NCOR1: variants seen among roughly 807,000 people sequenced by gnomAD.
NCOR1 encodes the protein protein phosphatase 1, regulatory subunit 109.
A neutral mutation model predicts 288.1 loss-of-function variants in NCOR1; 63 were observed. The ratio of observed to expected loss-of-function variants is 0.22; its 90% CI spans 0.18 to 0.27. The LOEUF (loss-of-function observed/expected upper bound fraction) is 0.27. Among genes scored for constraint, NCOR1 ranks in the 10% least tolerant of loss-of-function variants. The pLI is 1.00. For synonymous variants in NCOR1, 1,007 were observed against 1,065.9 expected (o/e 0.94, Z 1.08); for missense variants, 2,397 against 3,019.2 (o/e 0.79, Z 4.83).
intron 1 of NCOR1, among the ~76,000 whole-genome samples, chr17:16,197,530 G>T (rs955233386): frequency 3.9e-5 from 6 of 152,126 alleles, no homozygotes; most frequent in Non-Finnish European, 5.9e-5. Context: ...CTTAAGGATT[G>T]TAAGGTTGAG....
At position 16,101,769 on chromosome 17, in the gene NCOR1, G is replaced by C. The variant is rs370113924; in HGVS notation, c.2183-12C>G. ...CTTGACAGCTTCAACTGGTGAAGGA[G>C]AAGGAGCACTTTCTGTATCAGAACT... On this transcript the variant is annotated splice_polypyrimidine_tract_variant and intron_variant, in intron 19 of 45. Coordinates refer to ENST00000268712, the MANE Select transcript of NCOR1 (RefSeq NM_006311.4). 9.3e-6 allele frequency: 15 copies of C among 1,613,896 alleles called. No individual in the cohort carries two copies. Among genetic ancestry groups the C allele is most frequent in the Admixed American group, 1.7e-5 (1 of 59,994 alleles).
intron 4 of NCOR1, among the ~76,000 whole-genome samples, chr17:16,170,046 G>T (rs1003198572): frequency 2.0e-5 from 3 of 150,512 alleles, no homozygotes; most frequent in Non-Finnish European, 4.4e-5. Context: ...ACAATATAAT[G>T]GACACTCATT....
intron 1 of NCOR1, among the ~76,000 whole-genome samples, chr17:16,204,199 A>G (rs1467407702): frequency 6.6e-6 from 1 of 152,236 alleles, no homozygotes; most frequent in Non-Finnish European, 1.5e-5. Context: ...CATTTAGTAA[A>G]TGACAAAAGC....
In NCOR1 at chr17:16,086,415, A is replaced by G. The variant is rs1339026901; in HGVS notation, c.3044T>C (p.Ile1015Thr). The G allele has an allele frequency of 6.2e-7, 1 of 1,614,104 alleles. No individual in the cohort carries two copies. Among genetic ancestry groups the G allele is most frequent in the Non-Finnish European group, 8.5e-7 (1 of 1,179,970 alleles). Residue 1015 changes from isoleucine (I) to threonine (T), a missense_variant, in exon 23 of 46, where the codon ATA becomes ACA. This residue lies in a region of NCOR1 where 1,872 missense variants were observed against 2,187.8 expected (regional missense o/e 0.86). Transcript: ENST00000268712. ...EVLQPAPHQV[I>T]TNLPEGVRLP... is the part of the protein sequence containing the mutation. ...CCGAACGCCTTCAGGGAGATTAGTTATCACTTGATGTGGAGCAGGCTGAAG... is the reference window on the plus strand; with the variant it reads ...CCGAACGCCTTCAGGGAGATTAGTTGTCACTTGATGTGGAGCAGGCTGAAG...
At chr17:16,154,585 A>T in intron 6 of NCOR1, among the ~76,000 whole-genome samples, 1 of 152,210 alleles carries the variant, frequency 6.6e-6, no homozygotes, top group South Asian at 2.1e-4. Flanking sequence ...GATATTGCTA[A>T]CAAGGGAACA....
At chr17:16,198,074 T>C (rs1304669013) in intron 1 of NCOR1, 7 of 151,800 alleles carry the variant, frequency 4.6e-5, no homozygotes, top group Non-Finnish European at 1.0e-4. Context: ...TACATCTTGG[T>C]TGGCCAGGCG....
chr17:16,117,755 G>C (rs879935393), intron 18 of NCOR1, 133 bp downstream of exon 18: 6 of 926,772 alleles, frequency 6.5e-6, no homozygotes, highest in Non-Finnish European at 9.0e-6. Context: ...CCGGGAGGAA[G>C]AGTTTGCAGT....
At chr17:16,136,785 C>T (rs60918926) in intron 14 of NCOR1, among the ~76,000 whole-genome samples, 11,957 of 137,002 alleles carry the variant, frequency 0.087, 934 homozygotes, top group African/African-American at 0.23. Context: ...CCAGCCTGGG[C>T]GACAGAGCGA....
intron 18 of NCOR1, among the ~76,000 whole-genome samples, chr17:16,116,754 A>C (rs1463720346): frequency 6.6e-6 from 1 of 152,224 alleles, no homozygotes; most frequent in African/African-American, 2.4e-5. Context: ...CATGACACGA[A>C]GTATAAAAAG....
intron 42 of NCOR1, 38 bp from the exon 43 acceptor site, chr17:16,040,532 A>T: frequency 1.3e-6 from 2 of 1,546,346 alleles, no homozygotes; most frequent in Non-Finnish European, 1.8e-6. Flanking sequence ...TTAAGATGTG[A>T]TAATCATATA....
intron 9 of NCOR1, among the ~76,000 whole-genome samples, chr17:16,148,366 C>T (rs2078311048): frequency 1.3e-5 from 2 of 152,094 alleles, no homozygotes; most frequent in Admixed American, 1.3e-4. Flanking sequence ...CTCAGTCATC[C>T]GTAGTCCATG....
intron 15 of NCOR1, among the ~76,000 whole-genome samples, chr17:16,124,605 C>T (rs1350469023): frequency 6.6e-6 from 1 of 152,186 alleles, no homozygotes; most frequent in Non-Finnish European, 1.5e-5. Context: ...CATGCCCCCA[C>T]TCCTACCACA....
chr17:16,151,030 AAAAAG>A (rs995029748), intron 8 of NCOR1, among the ~76,000 whole-genome samples: 171 of 151,354 alleles, frequency 1.1e-3, no homozygotes, highest in African/African-American at 4.0e-3. Flanking sequence ...AGAAATTTTT[AAAAAG>A]AAAAAAATAA....
In NCOR1 at chr17:16,165,114, C is replaced by T. The variant is rs1467192279; in HGVS notation, c.483G>A (p.Ser161=). ...GKHEAPSSPI[S]GQPCGDDQNA... is the part of the protein sequence containing the mutation. ...TTTGATCATCTCCACATGGTTGCCC[C>T]GAAATTGGAGAGGATGGAGCTTCAT... is the stretch of plus-strand genomic sequence containing the variant. Residue 161 remains serine, a synonymous_variant, in exon 5 of 46, where the codon TCG becomes TCA. Coordinates refer to ENST00000268712, the MANE Select transcript of NCOR1 (RefSeq NM_006311.4). 1.1e-5 allele frequency: 18 copies of T among 1,608,916 alleles called. No homozygotes were observed. The highest frequency in any genetic ancestry group is 2.2e-5 in the East Asian group (1 of 44,750).
At chr17:16,044,646 G>GGA in intron 42 of NCOR1, 2 of 644,224 alleles carry the variant, frequency 3.1e-6, no homozygotes, top group Non-Finnish European at 6.0e-6. Context: ...GAGCTCGCCT[G>GGA]CATCTACTCA....
intron 16 of NCOR1, 150 bp downstream of exon 16, chr17:16,120,902 C>G (rs929980319): frequency 1.5e-5 from 10 of 671,778 alleles, no homozygotes; most frequent in Middle Eastern, 4.2e-4. Flanking sequence ...TTTCAAAAAA[C>G]TTTGACATTA....
chr17:16,139,264 TGTGC>T (rs1372086973), intron 11 of NCOR1, 78 bp from the exon 12 acceptor site: 1 of 1,229,536 alleles, frequency 8.1e-7, no homozygotes, highest in African/African-American at 1.5e-5. Flanking sequence ...ATGCTCTTAA[TGTGC>T]ACTAAAAAAC....
intron 5 of NCOR1, among the ~76,000 whole-genome samples, chr17:16,160,254 CA>C (rs1234233189): frequency 2.0e-5 from 3 of 152,084 alleles, no homozygotes; most frequent in African/African-American, 7.2e-5. Flanking sequence ...AAGCATATTA[CA>C]ATTATAAATT....
intron 5 of NCOR1, among the ~76,000 whole-genome samples, chr17:16,163,680 G>A (rs1332791371): frequency 6.6e-6 from 1 of 151,824 alleles, no homozygotes; most frequent in Admixed American, 6.6e-5. Flanking sequence ...GTAAAAATAC[G>A]ACCACACAAA....
Sources: gnomAD v4.1 joint callset for allele counts (sites outside exome capture counted in the v4.1 genomes callset) on GRCh38, gnomAD v4.1.1 for gene constraint, gnomAD v4.1.1 regional missense constraint, MANE v1.5 for transcripts, NCBI Gene and HGNC (gene_info 2026-07-23, HGNC 2026-07-21) for gene names.